The following CNOT6L variants were observed in gnomAD, a reference collection of about 807,000 sequenced individuals.
The protein encoded by CNOT6L is CCR4-NOT transcription complex subunit 6 like, also known as CCR4-NOT transcription complex subunit 6-like.
In CNOT6L, 7 loss-of-function variants were observed where a neutral mutation model predicts 64.0. That is an observed-to-expected ratio of 0.11 (90% CI 0.06 to 0.21). The LOEUF (loss-of-function observed/expected upper bound fraction) is 0.21, where lower values mean the gene tolerates loss of function less well. CNOT6L is among the 10% of genes least tolerant of loss of function. The pLI is 1.00. For synonymous variants in CNOT6L, 193 were observed against 243.4 expected (o/e 0.79, Z 1.93); for missense variants, 245 against 669.0 (o/e 0.37, Z 6.99).
At chr4:77,807,276 C>CAAAAAAAAAAAAAAAAAAAAAAA (rs58452605) in intron 1 of CNOT6L, among the ~76,000 whole-genome samples, 24 of 108,198 alleles carry the variant, frequency 2.2e-4, no homozygotes, top group African/African-American at 1.1e-3. Context: ...GACTCCATCT[C>CAAAAAAAAAAAAAAAAAAAAAAA]AAAAAAAAAA....
chr4:77,743,474 T>C (rs1008300868), intron 7 of CNOT6L, among the ~76,000 whole-genome samples: 20 of 152,064 alleles, frequency 1.3e-4, no homozygotes, highest in Admixed American at 5.9e-4. Flanking sequence ...TTTACTTTTT[T>C]CCCAAGCAAC....
chr4:77,766,589 T>C (rs1006055051), intron 4 of CNOT6L, among the ~76,000 whole-genome samples: 1 of 151,662 alleles, frequency 6.6e-6, no homozygotes, highest in Non-Finnish European at 1.5e-5. Flanking sequence ...GATTACTGCA[T>C]GTAAAACTCC....
At chr4:77,745,231 A>G (rs2109955081) in intron 6 of CNOT6L, among the ~76,000 whole-genome samples, 1 of 152,326 alleles carries the variant, frequency 6.6e-6, no homozygotes, top group East Asian at 1.9e-4. Context: ...TTTTAATTAA[A>G]GAACTCTAAT....
At position 77,717,580 on chromosome 4, in the gene CNOT6L, T is replaced by C. The variant is rs902084707; in HGVS notation, c.*2851A>G. 3.3e-5 allele frequency: 5 copies of C among 152,480 alleles called. No homozygotes were observed. The highest frequency in any genetic ancestry group is 9.6e-5 in the African/African-American group (4 of 41,526). The allele number at this position is 152,480 out of a possible 1,614,324, so 9.4% of individuals were successfully genotyped here. ...TAGAAAGTATATGAGCATATATATT[T>C]TACTTTCATTGAATATATATATATA... On this transcript the variant is annotated 3_prime_UTR_variant, in exon 12 of 12. Coordinates refer to ENST00000504123, the MANE Select transcript of CNOT6L (RefSeq NM_144571.3).
intron 8 of CNOT6L, among the ~76,000 whole-genome samples, chr4:77,740,027 A>AT (rs33987985): frequency 4.6e-5 from 7 of 151,342 alleles, no homozygotes; most frequent in South Asian, 2.1e-4. Flanking sequence ...TTACTGGTGC[A>AT]TTTTTTTTTT....
rs1721030388 is a variant in CNOT6L at position 77,719,021 on chromosome 4, T to A, written c.*1410A>T. The A allele has an allele frequency of 6.6e-6, 1 of 152,522 alleles. No individual in the cohort carries two copies. Among genetic ancestry groups the A allele is most frequent in the Non-Finnish European group, 1.5e-5 (1 of 68,002 alleles). The allele number at this position is 152,522 out of a possible 1,614,324, so 9.4% of individuals were successfully genotyped here. ...GCATGAAAAGTTTAAAATATAAATT[T>A]CAGAAAACTCTTATAGCAGCAAAAA... On this transcript the variant is annotated 3_prime_UTR_variant, in exon 12 of 12. Transcript: ENST00000504123.
intron 1 of CNOT6L, among the ~76,000 whole-genome samples, chr4:77,818,561 G>A (rs929150996): frequency 3.3e-5 from 5 of 152,176 alleles, no homozygotes; most frequent in Non-Finnish European, 7.4e-5. Context: ...ACACGACACC[G>A]CGTATTCCCA....
intron 4 of CNOT6L, among the ~76,000 whole-genome samples, chr4:77,758,126 T>C (rs1215301203): frequency 2.0e-5 from 3 of 152,184 alleles, no homozygotes; most frequent in Non-Finnish European, 4.4e-5. Context: ...TAGTTTCTAA[T>C]TGACTTGCAA....
chr4:77,794,150 C>CAAAAAA lies in CNOT6L; in HGVS notation c.6-17764_6-17759dup, dbSNP rs10649868. 1.4e-3 allele frequency among the ~76,000 whole-genome samples: 73 copies of CAAAAAA among 52,004 alleles called. 8 individuals are homozygous for CAAAAAA. Among genetic ancestry groups the CAAAAAA allele is most frequent in the African/African-American group, 7.1e-3 (70 of 9,868 alleles). 34.1% of individuals were successfully genotyped at this position (52,004 alleles called of 152,430 possible). On this transcript the variant is annotated intron_variant, in intron 1 of 11. Coordinates refer to ENST00000504123, the MANE Select transcript of CNOT6L (RefSeq NM_144571.3). ...CTGGCAACAGAGTAAGACTCTGTCT[C>CAAAAAA]AAAAAAAAAAAAAAAAAAAAAAAAA... is the stretch of plus-strand genomic sequence containing the variant.
In CNOT6L at chr4:77,754,888, T is replaced by TAAAAAAAAAAAAAAAAAAAAAAAAAAAA; in HGVS notation, c.490+1973_490+1974insTTTTTTTTTTTTTTTTTTTTTTTTTTTT. 7.6e-4 allele frequency among the ~76,000 whole-genome samples: 28 copies of TAAAAAAAAAAAAAAAAAAAAAAAAAAAA among 36,952 alleles called. 3 individuals are homozygous for TAAAAAAAAAAAAAAAAAAAAAAAAAAAA. The highest frequency in any genetic ancestry group is 8.9e-4 in the African/African-American group (8 of 9,038). 24.2% of individuals were successfully genotyped at this position (36,952 alleles called of 152,430 possible). The stretch of plus-strand genomic sequence containing the variant: ...AAAACCTAATTCTAAACATTAGAAG[T>TAAAAAAAAAAAAAAAAAAAAAAAAAAAA]AAAAAAAAAAAAAAAAAAAAAAAAA... On this transcript the variant is annotated intron_variant, in intron 5 of 11. Transcript: ENST00000504123.
chr4:77,742,657 G>A (rs1703440398), intron 7 of CNOT6L, among the ~76,000 whole-genome samples: 1 of 152,162 alleles, frequency 6.6e-6, no homozygotes, highest in African/African-American at 2.4e-5. Flanking sequence ...ATAGGGAATA[G>A]TAATTTATAT....
chr4:77,795,460 G>A (rs1730727556), intron 1 of CNOT6L, among the ~76,000 whole-genome samples: 1 of 152,212 alleles, frequency 6.6e-6, no homozygotes, highest in Admixed American at 6.5e-5. Flanking sequence ...TAGTGTTGGA[G>A]GAGGGGCCTG....
chr4:77,769,557 A>G (rs1375185619), intron 4 of CNOT6L, among the ~76,000 whole-genome samples: 3 of 152,026 alleles, frequency 2.0e-5, no homozygotes, highest in Non-Finnish European at 2.9e-5. Flanking sequence ...TTTCTTATTG[A>G]TTTTTAGAAG....
intron 8 of CNOT6L, among the ~76,000 whole-genome samples, chr4:77,739,143 GGATTA>G (rs1723306439): frequency 6.6e-6 from 1 of 152,044 alleles, no homozygotes; most frequent in African/African-American, 2.4e-5. Context: ...TCATCATGAT[GGATTA>G]GAGATTTTTA....
chr4:77,756,288 C>T (rs550236345), intron 5 of CNOT6L, among the ~76,000 whole-genome samples: 1 of 152,356 alleles, frequency 6.6e-6, no homozygotes, highest in African/African-American at 2.4e-5. Context: ...CCACCACATC[C>T]AGCCTGGTAT....
chr4:77,770,579 C>G (rs1452823194), intron 4 of CNOT6L, among the ~76,000 whole-genome samples: 1 of 151,328 alleles, frequency 6.6e-6, no homozygotes, highest in Non-Finnish European at 1.5e-5. Flanking sequence ...AATAGACTCT[C>G]AAAGAAGTTT....
At chr4:77,739,299 CTGAGAG>C (rs1443575937) in intron 8 of CNOT6L, among the ~76,000 whole-genome samples, 4 of 152,160 alleles carry the variant, frequency 2.6e-5, no homozygotes, top group African/African-American at 9.7e-5. Context: ...AAGAAAGAGA[CTGAGAG>C]TAAGTACAGT....
intron 1 of CNOT6L, among the ~76,000 whole-genome samples, chr4:77,801,176 A>G (rs1161585590): frequency 6.6e-6 from 1 of 152,222 alleles, no homozygotes; most frequent in African/African-American, 2.4e-5. Flanking sequence ...CGTGAAAGCA[A>G]AAACCAGCCA....
intron 1 of CNOT6L, among the ~76,000 whole-genome samples, chr4:77,789,803 T>C (rs1325895989): frequency 6.6e-6 from 1 of 151,780 alleles, no homozygotes; most frequent in Admixed American, 6.6e-5. Context: ...ATACAAAAAT[T>C]AGCTGGGCAT....
Sources: gnomAD v4.1 joint callset for allele counts (sites outside exome capture counted in the v4.1 genomes callset) on GRCh38, gnomAD v4.1.1 for gene constraint, MANE v1.5 for transcripts, NCBI Gene and HGNC (gene_info 2026-07-23, HGNC 2026-07-21) for gene names.